Variants in MEGF10 observed in about 807,000 individuals in gnomAD.
The protein encoded by MEGF10 is multiple EGF like domains 10.
A neutral mutation model predicts 147.5 loss-of-function variants in MEGF10; 86 were observed. That is an observed-to-expected ratio of 0.58 (90% CI 0.49 to 0.70). The LOEUF (loss-of-function observed/expected upper bound fraction) is 0.70, where lower values mean the gene tolerates loss of function less well. Ranked by LOEUF, MEGF10 falls within the 30% of genes least tolerant of loss-of-function variation. MEGF10 has a pLI of 0.00. For synonymous variants in MEGF10, 478 were observed against 525.5 expected (o/e 0.91, Z 1.24); for missense variants, 1,329 against 1,487.3 (o/e 0.89, Z 1.75).
chr5:127,352,803 A>G lies in MEGF10; in HGVS notation c.319+12173A>G, dbSNP rs528831249. 6.6e-5 allele frequency among the ~76,000 whole-genome samples: 10 copies of G among 152,378 alleles called. No homozygotes were observed. The South Asian group carries it at 1.9e-3, about 28-fold the overall frequency. On this transcript the variant is annotated intron_variant, in intron 4 of 24. Coordinates refer to ENST00000503335, the MANE Select transcript of MEGF10 (RefSeq NM_001256545.2). ...ACAATGAATAGAAGCAACAGGGGAC[A>G]GTGGCAAATGAAAGAGAAACAGGTT...
chr5:127,310,671 CTCT>C (rs1303344051), intron 1 of MEGF10, among the ~76,000 whole-genome samples: 1 of 152,104 alleles, frequency 6.6e-6, no homozygotes, highest in African/African-American at 2.4e-5. Flanking sequence ...TCATTCTCTT[CTCT>C]TCTTCTCAGG....
At chr5:127,247,415 A>AGAAGAAGAAGAAGAAGAG in the MEGF10 span, among the ~76,000 whole-genome samples, 1 of 81,806 alleles carries the variant, frequency 1.2e-5, no homozygotes, top group Non-Finnish European at 2.4e-5. Context: ...AAGAAGAAGA[A>AGAAGAAGAAGAAGAAGAG]GAAGAAGAAG....
chr5:127,296,838 A>G (rs1227289571), intron 1 of MEGF10, among the ~76,000 whole-genome samples: 1 of 152,122 alleles, frequency 6.6e-6, no homozygotes, highest in Non-Finnish European at 1.5e-5. Flanking sequence ...TTAAATATCC[A>G]CCCCTATTGA....
intron 1 of MEGF10, among the ~76,000 whole-genome samples, chr5:127,301,060 G>A (rs1759744458): frequency 6.6e-6 from 1 of 152,132 alleles, no homozygotes; most frequent in Non-Finnish European, 1.5e-5. Flanking sequence ...TCTCTCTTAT[G>A]GTCTAATAGT....
At chr5:127,371,927 A>G (rs976244288) in intron 5 of MEGF10, among the ~76,000 whole-genome samples, 3 of 152,234 alleles carry the variant, frequency 2.0e-5, no homozygotes, top group Admixed American at 2.0e-4. Context: ...TGAGAAAAAC[A>G]TCTTTGATAC....
intron 17 of MEGF10, 147 bp from the exon 18 acceptor site, chr5:127,440,592 G>A (rs1308235892): frequency 1.3e-6 from 1 of 776,090 alleles, no homozygotes; most frequent in African/African-American, 1.8e-5. Context: ...AGAAGCTCTT[G>A]TGGCAAGCTC....
the MEGF10 span, among the ~76,000 whole-genome samples, chr5:127,250,543 GAACA>G: frequency 6.6e-6 from 1 of 151,876 alleles, no homozygotes; most frequent in Non-Finnish European, 1.5e-5. Context: ...CATAAAACAA[GAACA>G]AACACCATGT....
At chr5:127,424,410 G>A (rs1372300206) in intron 13 of MEGF10, 4 of 913,794 alleles carry the variant, frequency 4.4e-6, no homozygotes, top group Non-Finnish European at 6.9e-6. Context: ...TTTCCACAAA[G>A]AAGCAAGGTG....
chr5:127,234,291 A>G, the MEGF10 span, among the ~76,000 whole-genome samples: 145 of 152,322 alleles, frequency 9.5e-4, 3 homozygotes, highest in East Asian at 0.015. Context: ...TCATCCTTTG[A>G]CTTTCACTTG....
chr5:127,292,544 T>C (rs1363636460), intron 1 of MEGF10, among the ~76,000 whole-genome samples: 1 of 152,238 alleles, frequency 6.6e-6, no homozygotes, highest in Non-Finnish European at 1.5e-5. Flanking sequence ...TCTGTAAGCT[T>C]CACTACCACC....
intron 1 of MEGF10, among the ~76,000 whole-genome samples, chr5:127,320,340 A>G (rs1277865696): frequency 6.6e-6 from 1 of 152,280 alleles, no homozygotes; most frequent in East Asian, 1.9e-4. Flanking sequence ...ATTAGAAGAG[A>G]TAATTATGGA....
chr5:127,410,671 G>A, intron 9 of MEGF10, 70 bp downstream of exon 9: 1 of 1,381,234 alleles, frequency 7.2e-7, no homozygotes, highest in Non-Finnish European at 9.9e-7. Context: ...GGATTTGGAA[G>A]GAGGGATTGA....
the MEGF10 span, among the ~76,000 whole-genome samples, chr5:127,273,160 T>C: frequency 2.6e-5 from 4 of 152,192 alleles, no homozygotes; most frequent in African/African-American, 9.6e-5. Flanking sequence ...CAGCAGTGTG[T>C]GTTGGACCCA....
rs1766395230 is a variant in MEGF10 at position 127,457,196 on chromosome 5, C to T, written c.3301C>T (p.Leu1101Phe). The change falls in exon 25 of 25, where the codon CTC becomes TTC. Residue 1101 changes from leucine to phenylalanine, a missense_variant. Coordinates refer to ENST00000503335, the MANE Select transcript of MEGF10 (RefSeq NM_001256545.2). ...NGRLSQDPYD[L>F]PKNSHIPCHY... ...GCGTCTCTCCCAGGATCCATATGACCTCCCAAAGAACAGTCACATCCCTTG... is the reference window on the plus strand; with the variant it reads ...GCGTCTCTCCCAGGATCCATATGACTTCCCAAAGAACAGTCACATCCCTTG... The T allele has an allele frequency of 1.2e-6, 2 of 1,614,000 alleles. No homozygotes were observed. Among genetic ancestry groups the T allele is most frequent in the Non-Finnish European group, 1.7e-6 (2 of 1,180,018 alleles).
At chr5:127,388,565 A>T (rs1198044303) in intron 5 of MEGF10, among the ~76,000 whole-genome samples, 1 of 141,768 alleles carries the variant, frequency 7.1e-6, no homozygotes. Context: ...TTATTTTTTG[A>T]GGCAGAGTCT....
chr5:127,329,173 A>G (rs898465888), intron 1 of MEGF10, among the ~76,000 whole-genome samples: 18 of 152,308 alleles, frequency 1.2e-4, no homozygotes, highest in Non-Finnish European at 2.4e-4. Flanking sequence ...AGATTTTACA[A>G]CTTCATGATG....
chr5:127,317,120 A>T (rs1760585035), intron 1 of MEGF10, among the ~76,000 whole-genome samples: 1 of 152,218 alleles, frequency 6.6e-6, no homozygotes, highest in African/African-American at 2.4e-5. Context: ...GCCAGTTTGA[A>T]TTTTACCTAA....
the MEGF10 span, among the ~76,000 whole-genome samples, chr5:127,264,169 A>C: frequency 2.0e-5 from 3 of 152,306 alleles, no homozygotes; most frequent in East Asian, 3.9e-4. Flanking sequence ...ACTACAGAAA[A>C]GGAAAACACT....
chr5:127,457,744 A>G lies in MEGF10; in HGVS notation c.*426A>G, dbSNP rs189552285. The G allele has an allele frequency of 1.0e-3, 160 of 159,262 alleles. 2 individuals are homozygous for G. Among genetic ancestry groups the G allele is most frequent in the Admixed American group, 9.5e-3 (158 of 16,664 alleles). The allele number at this position is 159,262 out of a possible 1,614,324, so 9.9% of individuals were successfully genotyped here. A position where few individuals can be genotyped will look rare whatever the true frequency, so the allele number is the denominator to read the frequency against. On this transcript the variant is annotated 3_prime_UTR_variant, in exon 25 of 25. Coordinates refer to ENST00000503335, the MANE Select transcript of MEGF10 (RefSeq NM_001256545.2). Reference sequence around the variant, plus strand: ...TTTACCATAAAATTTACTTCATGAAAGTGGGAATCACTGAACATGTAGAAG... The same window carrying G: ...TTTACCATAAAATTTACTTCATGAAGGTGGGAATCACTGAACATGTAGAAG...
Sources: allele counts gnomAD v4.1 joint callset (sites outside exome capture counted in the v4.1 genomes callset), GRCh38; gene constraint gnomAD v4.1.1; transcripts MANE v1.5; gene names NCBI Gene and HGNC (gene_info 2026-07-23, HGNC 2026-07-21).